The following MEGF8 variants were observed in gnomAD, a reference collection of about 807,000 sequenced individuals.
MEGF8 encodes the protein multiple epidermal growth factor-like domains protein 8.
Under a neutral mutation model 302.9 loss-of-function variants are expected in MEGF8, and 156 were observed. The observed-to-expected ratio is 0.52, with a 90% CI of 0.45 to 0.59. The LOEUF is 0.59. Ranked by LOEUF, MEGF8 falls within the 20% of genes least tolerant of loss-of-function variation. The pLI, the probability that MEGF8 is intolerant of heterozygous loss-of-function variation, is 0.00. For missense variants in MEGF8, 3,345 were observed against 3,964.5 expected (o/e 0.84, Z 4.20); for synonymous variants, 1,621 against 1,660.5 (o/e 0.98, Z 0.58).
intron 15 of MEGF8, 85 bp downstream of exon 15, chr19:42,350,469 G>C: frequency 5.5e-6 from 7 of 1,272,622 alleles, no homozygotes; most frequent in Middle Eastern, 2.8e-4. Context: ...CTGGTGGGGG[G>C]TGTGGGGGAA....
chr19:42,333,828 CAG>C, intron 2 of MEGF8, 60 bp downstream of exon 2: 12 of 1,591,938 alleles, frequency 7.5e-6, no homozygotes, highest in South Asian at 2.3e-5. Flanking sequence ...AAAGGAGGGA[CAG>C]AGAGTCAGTA....
intron 12 of MEGF8, among the ~76,000 whole-genome samples, chr19:42,345,365 A>G (rs985541461): frequency 6.6e-6 from 1 of 152,254 alleles, no homozygotes; most frequent in African/African-American, 2.4e-5. Context: ...ATATTGTGCA[A>G]TCATCACCAC....
chr19:42,354,209 C>G lies in MEGF8; in HGVS notation c.4011+185C>G, dbSNP rs578146313. On this transcript the variant is annotated intron_variant, in intron 22 of 41. Coordinates refer to ENST00000251268, the MANE Select transcript of MEGF8 (RefSeq NM_001271938.2). This position sits in a 1 kb window ranked among gnomAD's most constrained non-coding sequence, Gnocchi z 4.3. ...TTCCTAGGCCCACAGACAGACCCCC[C>G]CATTTCCCAGATAGCTTCCTATTTC... Among the ~76,000 whole-genome samples the G allele has an allele frequency of 6.6e-6, 1 of 151,994 alleles. No individual in the cohort carries two copies. Among genetic ancestry groups the G allele is most frequent in the Non-Finnish European group, 1.5e-5 (1 of 67,990 alleles).
Position 42,360,762 on chromosome 19 carries a change from C to T in MEGF8, c.5489-13C>T. 1 of 1,562,690 alleles carries T rather than the reference C, an allele frequency of 6.4e-7. No individual in the cohort carries two copies. Among genetic ancestry groups the T allele is most frequent in the East Asian group, 2.4e-5 (1 of 41,870 alleles). On this transcript the variant is annotated splice_polypyrimidine_tract_variant and intron_variant, in intron 31 of 41. Transcript: ENST00000251268. ...CTGCTCTCTATCTGTCTGAATACACCATCTTTCCTCAGGCTCGGCCTCTGT... is the reference window on the plus strand; with the variant it reads ...CTGCTCTCTATCTGTCTGAATACACTATCTTTCCTCAGGCTCGGCCTCTGT...
chr19:42,350,053 T>G, intron 14 of MEGF8, 95 bp from the exon 15 acceptor site: 3 of 1,016,254 alleles, frequency 3.0e-6, no homozygotes, highest in South Asian at 1.5e-5. Context: ...GCCTGAGTTC[T>G]CAACCTGGGC....
intron 8 of MEGF8, among the ~76,000 whole-genome samples, chr19:42,340,153 T>A (rs578186091): frequency 6.6e-6 from 1 of 152,358 alleles, no homozygotes; most frequent in East Asian, 1.9e-4. Flanking sequence ...ATTGGATAGC[T>A]GTAAGAGTAA....
intron 34 of MEGF8, 93 bp downstream of exon 34, chr19:42,362,690 C>T: frequency 7.0e-7 from 1 of 1,431,290 alleles, no homozygotes; most frequent in Admixed American, 1.7e-5. Context: ...TCTCCTGGGT[C>T]TGAGGGAGGA....
intron 3 of MEGF8, among the ~76,000 whole-genome samples, chr19:42,334,529 C>T (rs1445232144): frequency 1.3e-5 from 2 of 152,154 alleles, no homozygotes; most frequent in Non-Finnish European, 2.9e-5. Flanking sequence ...CTCTGTGTGG[C>T]CTTGGACCCC....
Position 42,362,420 on chromosome 19 carries a change from C to T in MEGF8, c.5881C>T (p.Pro1961Ser). Residue 1961 changes from proline to serine, a missense_variant, in exon 34 of 42, where the codon CCC becomes TCC. Pro to Ser is a moderately conservative substitution (Grantham distance 74). Transcript: ENST00000251268. ...TPRCKWCTNC[P>S]EGACIGRNGS... ...CCGCTGTAAGTGGTGTACCAACTGC[C>T]CCGAAGGTGCTTGCATTGGACGCAA... The T allele has an allele frequency of 6.2e-7, 1 of 1,613,992 alleles. No individual in the cohort carries two copies. The highest frequency in any genetic ancestry group is 2.2e-5 in the East Asian group (1 of 44,866).
Position 42,375,396 on chromosome 19 carries a change from C to A in MEGF8, c.7270-111C>A. The A allele has an allele frequency of 8.7e-7, 1 of 1,145,162 alleles. No individual in the cohort carries two copies. The highest frequency in any genetic ancestry group is 1.2e-6 in the Non-Finnish European group (1 of 829,288). The allele number at this position is 1,145,162 out of a possible 1,614,324, so 70.9% of individuals were successfully genotyped here. A position where few individuals can be genotyped will look rare whatever the true frequency, so the allele number is the denominator to read the frequency against. On this transcript the variant is annotated intron_variant, in intron 41 of 41. Transcript: ENST00000251268. This position sits in a 1 kb window ranked among gnomAD's most constrained non-coding sequence, Gnocchi z 7.1. ...TGACTGGGGCAGTGGGGGTGAGGCCCAGGGCAATGGCTACTTAGCAGTGGG... is the reference window on the plus strand; with the variant it reads ...TGACTGGGGCAGTGGGGGTGAGGCCAAGGGCAATGGCTACTTAGCAGTGGG...
At chr19:42,359,544 G>A (rs2039502415) in intron 31 of MEGF8, among the ~76,000 whole-genome samples, 1 of 152,118 alleles carries the variant, frequency 6.6e-6, no homozygotes, top group South Asian at 2.1e-4. Context: ...ACATGGGGGT[G>A]TTTCCTACCA....
chr19:42,328,567 A>AGT (rs113567438), intron 1 of MEGF8, among the ~76,000 whole-genome samples: 22,050 of 146,620 alleles, frequency 0.15, 2,597 homozygotes, highest in African/African-American at 0.33. Context: ...CAGAATAGGA[A>AGT]GTGTGTGTGT....
chr19:42,360,346 T>C (rs556632018), intron 31 of MEGF8, among the ~76,000 whole-genome samples: 39 of 136,248 alleles, frequency 2.9e-4, no homozygotes, highest in African/African-American at 1.1e-3. Flanking sequence ...GCTTCTGCTG[T>C]TTTTTTTTTT....
chr19:42,368,431 C>T lies in MEGF8; in HGVS notation c.6274-24C>T. ...TTCCCCATCTCTCTCTTCCCTGCATCCCCATCCCCTCCCCCCCATACAGTG... is the reference window on the plus strand; with the variant it reads ...TTCCCCATCTCTCTCTTCCCTGCATTCCCATCCCCTCCCCCCCATACAGTG... On this transcript the variant is annotated intron_variant, in intron 35 of 41. Transcript: ENST00000251268. This position sits in a 1 kb window ranked among gnomAD's most constrained non-coding sequence, Gnocchi z 4.9. 6.5e-7 allele frequency: 1 copy of T among 1,542,390 alleles called. No individual in the cohort carries two copies. The highest frequency in any genetic ancestry group is 8.8e-7 in the Non-Finnish European group (1 of 1,133,714).
At position 42,352,274 on chromosome 19, in the gene MEGF8, C is replaced by T. The variant is rs754755957; in HGVS notation, c.3168C>T (p.Gly1056=). The change falls in exon 19 of 42, where the codon GGC becomes GGT. Residue 1056 remains glycine (G), a synonymous_variant. Transcript: ENST00000251268. The surrounding 1 kb of genome is among the most constrained non-coding windows in gnomAD (Gnocchi z 4.4). Reference sequence around the variant, plus strand: ...ACTGCTCCCTGTGGGTGGGGGAGGGCCTGGGGCTTCCCGTGGCCCTCCCTG... The same window carrying T: ...ACTGCTCCCTGTGGGTGGGGGAGGGTCTGGGGCTTCCCGTGGCCCTCCCTG... ...GGNCSLWVGE[G]LGLPVALPAR... 2.2e-5 allele frequency: 35 copies of T among 1,564,920 alleles called. No individual in the cohort carries two copies. Among genetic ancestry groups the T allele is most frequent in the Admixed American group, 9.5e-5 (5 of 52,884 alleles).
At position 42,343,534 on chromosome 19, in the gene MEGF8, G is replaced by A; in HGVS notation, c.1571G>A (p.Ser524Asn). 6.2e-7 allele frequency: 1 copy of A among 1,613,578 alleles called. No homozygotes were observed. The highest frequency in any genetic ancestry group is 8.5e-7 in the Non-Finnish European group (1 of 1,179,700). Reference sequence around the variant, plus strand: ...CATGTAGCTGCGGTGCTTGGTGGCAGCGTCCTGTTGGTGGCTGGGGGGTAC... The same window carrying A: ...CATGTAGCTGCGGTGCTTGGTGGCAACGTCCTGTTGGTGGCTGGGGGGTAC... ...YSHVAAVLGG[S>N]VLLVAGGYSG... Residue 524 changes from serine (S) to asparagine (N), a missense_variant, in exon 9 of 42, where the codon AGC becomes AAC. Ser to Asn is a conservative substitution (Grantham distance 46). Transcript: ENST00000251268.
chr19:42,354,505 C>A lies in MEGF8; in HGVS notation c.4012-83C>A. 1 of 1,497,598 alleles carries A rather than the reference C, an allele frequency of 6.7e-7. No individual in the cohort carries two copies. The highest frequency in any genetic ancestry group is 9.1e-7 in the Non-Finnish European group (1 of 1,104,702). 92.8% of individuals were successfully genotyped at this position (1,497,598 alleles called of 1,614,324 possible). On this transcript the variant is annotated intron_variant, in intron 22 of 41. Transcript: ENST00000251268. This position sits in a 1 kb window ranked among gnomAD's most constrained non-coding sequence, Gnocchi z 4.3. ...TTTCCCAGTCTCAGATTGCCCTCCCCTCTTGAACCCCTCCTCCTCCCAGAC... is the reference window on the plus strand; with the variant it reads ...TTTCCCAGTCTCAGATTGCCCTCCCATCTTGAACCCCTCCTCCTCCCAGAC...
chr19:42,347,344 T>G (rs1346401357), intron 12 of MEGF8, among the ~76,000 whole-genome samples: 3 of 143,906 alleles, frequency 2.1e-5, no homozygotes, highest in Admixed American at 1.5e-4. Context: ...TGAGATGGAG[T>G]CTCTCTCTAT....
At chr19:42,362,694 G>A in intron 34 of MEGF8, 97 bp downstream of exon 34, 1 of 1,421,092 alleles carries the variant, frequency 7.0e-7, no homozygotes, top group Non-Finnish European at 9.7e-7. Flanking sequence ...CTGGGTCTGA[G>A]GGAGGAGGGG....
Sources: gnomAD v4.1 joint callset for allele counts (sites outside exome capture counted in the v4.1 genomes callset) on GRCh38, gnomAD v4.1.1 for gene constraint, Gnocchi (gnomAD v3.1) non-coding constraint, MANE v1.5 for transcripts, NCBI Gene and HGNC (gene_info 2026-07-23, HGNC 2026-07-21) for gene names.